Variants in SMAD3 observed in about 807,000 individuals in gnomAD.
SMAD3 encodes the protein SMAD family member 3.
SMAD3 carries 12 observed loss-of-function variants against 51.8 expected under a neutral mutation model. That is an observed-to-expected ratio of 0.23 (90% CI 0.15 to 0.38). The LOEUF is 0.38. SMAD3 is among the 10% of genes least tolerant of loss of function. The pLI, the probability that SMAD3 is intolerant of heterozygous loss-of-function variation, is 1.00. For synonymous variants in SMAD3, 238 were observed against 227.7 expected, an observed-to-expected ratio of 1.05 and a Z score of -0.41; for missense variants, 294 against 565.6, an observed-to-expected ratio of 0.52 and a Z score of 4.87.
Position 67,108,733 on chromosome 15 carries a change from T to G in SMAD3, c.206+42373T>G, listed in dbSNP as rs150454150. On this transcript the variant is annotated intron_variant, in intron 1 of 8. Transcript: ENST00000327367. Reference sequence around the variant, plus strand: ...TCATCTGGACCACAGCTCCCTGCCTTGTGGTGTGGACTCTGTTCTCTGCAC... The same window carrying G: ...TCATCTGGACCACAGCTCCCTGCCTGGTGGTGTGGACTCTGTTCTCTGCAC... 4.6e-5 allele frequency among the ~76,000 whole-genome samples: 7 copies of G among 152,266 alleles called. No homozygotes were observed. The East Asian group carries it at 1.4e-3, about 29-fold the overall frequency.
intron 1 of SMAD3, among the ~76,000 whole-genome samples, chr15:67,073,407 T>G (rs768541974): frequency 6.6e-6 from 1 of 152,238 alleles, no homozygotes. Context: ...AATTCTGGAC[T>G]AGGCAAAAGT....
intron 1 of SMAD3, chr15:67,098,678 G>T: frequency 3.5e-6 from 2 of 564,134 alleles, no homozygotes. Flanking sequence ...GCTAATTAAA[G>T]AAAACAAGCT....
At chr15:67,172,672 A>C (rs1473135318) in intron 5 of SMAD3, among the ~76,000 whole-genome samples, 1 of 152,210 alleles carries the variant, frequency 6.6e-6, no homozygotes, top group African/African-American at 2.4e-5. Context: ...AGATTAGGAA[A>C]CCGGGGAACA....
chr15:67,068,428 C>T (rs1280898574), intron 1 of SMAD3, among the ~76,000 whole-genome samples: 1 of 152,190 alleles, frequency 6.6e-6, no homozygotes, highest in Non-Finnish European at 1.5e-5. Flanking sequence ...CTTTCCCTTG[C>T]CTTGGTAGGA....
intron 1 of SMAD3, 108 bp from the exon 2 acceptor site, chr15:67,164,787 T>C: frequency 1.7e-6 from 2 of 1,144,910 alleles, no homozygotes; most frequent in South Asian, 2.5e-5. Context: ...CTGGGAGAAA[T>C]GAGGGGAGAG....
intron 1 of SMAD3, among the ~76,000 whole-genome samples, chr15:67,144,782 G>T (rs894607632): frequency 1.3e-5 from 2 of 152,194 alleles, no homozygotes; most frequent in Non-Finnish European, 2.9e-5. Flanking sequence ...CCTGATGCAC[G>T]TTTCCAGTTT....
chr15:67,117,344 G>T (rs772270693), intron 1 of SMAD3, among the ~76,000 whole-genome samples: 9 of 152,190 alleles, frequency 5.9e-5, no homozygotes, highest in Non-Finnish European at 1.3e-4. Context: ...GCATGGTTTT[G>T]TTCTGTTAGG....
rs1445925481 is a variant in SMAD3, at chr15:67,193,731, T to TA, written c.*3198dup. 8.6e-6 allele frequency: 2 copies of TA among 233,340 alleles called. No individual in the cohort carries two copies. The highest frequency in any genetic ancestry group is 4.4e-5 in the African/African-American group (2 of 45,326). 14.5% of individuals were successfully genotyped at this position (233,340 alleles called of 1,614,324 possible). On this transcript the variant is annotated 3_prime_UTR_variant, in exon 9 of 9. Coordinates refer to ENST00000327367, the MANE Select transcript of SMAD3 (RefSeq NM_005902.4). ...TTATTGACCATGGTGATTATTTTTT[T>TA]AAACCATCGTTAATATACTGAAGTG...
intron 1 of SMAD3, among the ~76,000 whole-genome samples, chr15:67,071,922 A>G (rs185004812): frequency 2.0e-5 from 3 of 152,342 alleles, no homozygotes; most frequent in Admixed American, 1.3e-4. Flanking sequence ...ACTTGCTGAG[A>G]ATAAATCCTA....
intron 1 of SMAD3, among the ~76,000 whole-genome samples, chr15:67,161,907 T>C (rs537096026): frequency 3.3e-5 from 5 of 152,170 alleles, no homozygotes; most frequent in African/African-American, 4.8e-5. Context: ...CCAGGTCTTA[T>C]GGCTCCACAT....
chr15:67,130,711 A>G (rs1961504933), intron 1 of SMAD3, among the ~76,000 whole-genome samples: 1 of 152,240 alleles, frequency 6.6e-6, no homozygotes, highest in East Asian at 1.9e-4. Flanking sequence ...GACAGGAAGG[A>G]CACCATGGGC....
At chr15:67,184,471 T>C (rs1190322194) in intron 6 of SMAD3, among the ~76,000 whole-genome samples, 1 of 152,172 alleles carries the variant, frequency 6.6e-6, no homozygotes, top group Non-Finnish European at 1.5e-5. Flanking sequence ...GGCCCATGCC[T>C]ACTCAGTGGC....
intron 1 of SMAD3, among the ~76,000 whole-genome samples, chr15:67,120,671 A>G (rs775358040): frequency 6.6e-6 from 1 of 152,160 alleles, no homozygotes; most frequent in Non-Finnish European, 1.5e-5. Context: ...CTACCAGGTA[A>G]GAAATTGGGC....
chr15:67,142,737 G>A (rs745103), intron 1 of SMAD3: 181,976 of 351,472 alleles, frequency 0.52, 48,136 homozygotes, highest in Middle Eastern at 0.59. Context: ...ACTGTGCTAA[G>A]TAACAGTGGA....
chr15:67,114,652 C>G (rs762173664), intron 1 of SMAD3, among the ~76,000 whole-genome samples: 18 of 152,094 alleles, frequency 1.2e-4, no homozygotes, highest in Non-Finnish European at 2.5e-4. Flanking sequence ...GAGTGGGTTG[C>G]GAAGACCTGA....
intron 1 of SMAD3, among the ~76,000 whole-genome samples, chr15:67,131,719 G>A (rs1376577674): frequency 6.6e-6 from 1 of 152,140 alleles, no homozygotes; most frequent in Non-Finnish European, 1.5e-5. Flanking sequence ...GACCAGGGTT[G>A]AGTCCTGGTC....
At position 67,107,235 on chromosome 15, in the gene SMAD3, G is replaced by C. The variant is rs186602296; in HGVS notation, c.206+40875G>C. Among the ~76,000 whole-genome samples, 94 of 152,250 alleles carry C rather than the reference G, an allele frequency of 6.2e-4. 1 individual carries two copies. Among genetic ancestry groups the C allele is most frequent in the Admixed American group, 4.3e-3 (65 of 15,294 alleles). ...CAGTCATTGGGCCTTGGATGCCAAA[G>C]GAATGACAAATGGTGGGAATTTCAG... On this transcript the variant is annotated intron_variant, in intron 1 of 8. Coordinates refer to ENST00000327367, the MANE Select transcript of SMAD3 (RefSeq NM_005902.4).
At chr15:67,179,822 T>C (rs1312350223) in intron 5 of SMAD3, among the ~76,000 whole-genome samples, 1 of 151,890 alleles carries the variant, frequency 6.6e-6, no homozygotes, top group Non-Finnish European at 1.5e-5. Context: ...GACGTGGGCA[T>C]GGGGAGCGTC....
chr15:67,072,666 C>T (rs1235601341), intron 1 of SMAD3, among the ~76,000 whole-genome samples: 1 of 152,202 alleles, frequency 6.6e-6, no homozygotes, highest in Non-Finnish European at 1.5e-5. Context: ...TGGAAGTTCA[C>T]CAGCCATGTG....
Sources: allele counts gnomAD v4.1 joint callset (sites outside exome capture counted in the v4.1 genomes callset), GRCh38; gene constraint gnomAD v4.1.1; transcripts MANE v1.5; gene names NCBI Gene and HGNC (gene_info 2026-07-23, HGNC 2026-07-21).